FHOD3: variants seen among roughly 807,000 people sequenced by gnomAD.
The protein encoded by FHOD3 is FH1/FH2 domain-containing protein 3.
Under a neutral mutation model 173.0 loss-of-function variants are expected in FHOD3, and 90 were observed. The ratio of observed to expected loss-of-function variants is 0.52; its 90% CI spans 0.44 to 0.62. The LOEUF is 0.62. Ranked by LOEUF, FHOD3 falls within the 20% of genes least tolerant of loss-of-function variation. The pLI is 0.00. For synonymous variants in FHOD3, 828 were observed against 823.0 expected (o/e 1.01, Z -0.10); for missense variants, 1,945 against 2,034.7 (o/e 0.96, Z 0.85).
At chr18:36,364,645 G>A (rs752578153) in intron 2 of FHOD3, among the ~76,000 whole-genome samples, 9 of 152,222 alleles carry the variant, frequency 5.9e-5, no homozygotes, top group Non-Finnish European at 1.2e-4. Context: ...GTTCACTGAT[G>A]AGAACTGTGC....
intron 2 of FHOD3, among the ~76,000 whole-genome samples, chr18:36,369,617 T>C (rs1190027578): frequency 3.3e-5 from 5 of 152,046 alleles, no homozygotes; most frequent in Admixed American, 6.6e-5. Context: ...ATAATATATA[T>C]GTTATATACA....
chr18:36,456,303 C>G (rs796112618), intron 3 of FHOD3, among the ~76,000 whole-genome samples: 15 of 152,132 alleles, frequency 9.9e-5, no homozygotes, highest in African/African-American at 3.6e-4. Flanking sequence ...GAGTAGTTTT[C>G]CAACAAATGC....
rs1338655026 is a variant in FHOD3, at chr18:36,653,380, C to G, written c.1685C>G (p.Ser562Cys). 1.3e-6 allele frequency: 2 copies of G among 1,535,244 alleles called. No homozygotes were observed. The highest frequency in any genetic ancestry group is 3.9e-5 in the Admixed American group (2 of 50,976). ...DSFSLSTYSA[S>C]EPYHFRSFSS... is the part of the protein sequence containing the mutation. ...TTCTCTTTGAGCACATATTCTGCCT[C>G]TGAGCCTTACCACTTCCGATCTTTC... is the stretch of plus-strand genomic sequence containing the variant. Residue 562 changes from serine to cysteine, a missense_variant, in exon 13 of 29, where the codon TCT becomes TGT. Ser to Cys is a moderately radical substitution (Grantham distance 112). Coordinates refer to ENST00000590592, the MANE Select transcript of FHOD3 (RefSeq NM_001281740.3).
intron 14 of FHOD3, among the ~76,000 whole-genome samples, chr18:36,680,860 G>A (rs963739072): frequency 2.0e-5 from 3 of 152,296 alleles, no homozygotes; most frequent in Admixed American, 6.5e-5. Flanking sequence ...TGTATTGTGA[G>A]ACTGATATAT....
intron 1 of FHOD3, among the ~76,000 whole-genome samples, chr18:36,298,759 GT>G (rs35661851): frequency 0.47 from 68,398 of 146,256 alleles, 16,283 homozygotes; most frequent in East Asian, 0.82. Flanking sequence ...CGTTAGAGAG[GT>G]TTTTTTTTTT....
At chr18:36,525,821 A>AC (rs1369052493) in intron 5 of FHOD3, among the ~76,000 whole-genome samples, 1 of 152,202 alleles carries the variant, frequency 6.6e-6, no homozygotes, top group Non-Finnish European at 1.5e-5. Context: ...CCAACTGTTG[A>AC]CAATGTCCAG....
chr18:36,693,416 T>C lies in FHOD3; in HGVS notation c.2229T>C (p.His743=), dbSNP rs781496146. 1.9e-6 allele frequency: 3 copies of C among 1,613,170 alleles called. No individual in the cohort carries two copies. Among genetic ancestry groups the C allele is most frequent in the South Asian group, 1.1e-5 (1 of 90,914 alleles). Residue 743 remains histidine, a synonymous_variant, in exon 17 of 29, where the codon CAT becomes CAC. Transcript: ENST00000590592. ...VSASSPGTPH[H]PQASAGDPEP... ...CCTCCTCCCCAGGAACCCCTCACCA[T>C]CCCCAAGGTGAGTACAGGGAGAGTA...
chr18:36,762,970 CGT>C (rs1567956168), intron 27 of FHOD3, among the ~76,000 whole-genome samples: 3 of 110,432 alleles, frequency 2.7e-5, no homozygotes, highest in Non-Finnish European at 6.2e-5. Context: ...GTTATATATG[CGT>C]ATTATATACG....
At chr18:36,540,884 G>A (rs1013699498) in intron 5 of FHOD3, among the ~76,000 whole-genome samples, 5 of 152,120 alleles carry the variant, frequency 3.3e-5, no homozygotes, top group African/African-American at 9.7e-5. Flanking sequence ...TGGTGTACCC[G>A]CAACAACAGT....
At chr18:36,641,023 G>A (rs2035265490) in intron 10 of FHOD3, among the ~76,000 whole-genome samples, 1 of 152,150 alleles carries the variant, frequency 6.6e-6, no homozygotes. Context: ...AACATGGGGA[G>A]ATCTCTGAGG....
At chr18:36,770,697 A>G (rs150991121) in intron 28 of FHOD3, among the ~76,000 whole-genome samples, 267 of 152,296 alleles carry the variant, frequency 1.8e-3, no homozygotes, top group Middle Eastern at 3.4e-3. Flanking sequence ...CTTGGTACAC[A>G]CTGTGAGTAA....
At chr18:36,492,442 C>A (rs1003610795) in intron 3 of FHOD3, among the ~76,000 whole-genome samples, 1 of 152,140 alleles carries the variant, frequency 6.6e-6, no homozygotes, top group African/African-American at 2.4e-5. Flanking sequence ...TATATCCCCT[C>A]CAGCTTCCCC....
chr18:36,623,649 T>C (rs1047722074), intron 9 of FHOD3, among the ~76,000 whole-genome samples: 2 of 152,204 alleles, frequency 1.3e-5, no homozygotes, highest in African/African-American at 4.8e-5. Flanking sequence ...GCCTCAAACC[T>C]CCCAAAATTA....
intron 3 of FHOD3, among the ~76,000 whole-genome samples, chr18:36,383,445 A>G (rs2047889224): frequency 6.6e-6 from 1 of 152,184 alleles, no homozygotes. Context: ...CCTGACACAT[A>G]CATTATCCTT....
At chr18:36,357,428 A>G (rs1390023157) in intron 2 of FHOD3, among the ~76,000 whole-genome samples, 1 of 152,226 alleles carries the variant, frequency 6.6e-6, no homozygotes, top group Non-Finnish European at 1.5e-5. Flanking sequence ...ATTCCTGAAT[A>G]GCATGGCCAT....
At chr18:36,494,725 T>C (rs2054649476) in intron 3 of FHOD3, among the ~76,000 whole-genome samples, 1 of 152,160 alleles carries the variant, frequency 6.6e-6, no homozygotes, top group Non-Finnish European at 1.5e-5. Context: ...GGGGCTGTGC[T>C]GGGGGGACCT....
chr18:36,589,696 G>C (rs546642538), intron 6 of FHOD3, among the ~76,000 whole-genome samples: 1 of 152,154 alleles, frequency 6.6e-6, no homozygotes, highest in Non-Finnish European at 1.5e-5. Context: ...GTAAGTGGCC[G>C]TGCAGAGCCT....
intron 17 of FHOD3, among the ~76,000 whole-genome samples, chr18:36,708,012 A>G (rs2039976267): frequency 6.6e-6 from 1 of 152,148 alleles, no homozygotes; most frequent in Admixed American, 6.5e-5. Context: ...AATTTTGTGT[A>G]TTCTCGATCA....
chr18:36,356,283 T>TA (rs2046357587), intron 2 of FHOD3, among the ~76,000 whole-genome samples: 1 of 152,238 alleles, frequency 6.6e-6, no homozygotes, highest in African/African-American at 2.4e-5. Context: ...TAATGTCAAC[T>TA]TACTTTTTGC....
Sources: gnomAD v4.1 joint callset for allele counts (sites outside exome capture counted in the v4.1 genomes callset) on GRCh38, gnomAD v4.1.1 for gene constraint, MANE v1.5 for transcripts, NCBI Gene and HGNC (gene_info 2026-07-23, HGNC 2026-07-21) for gene names.